DCC: variants seen among roughly 807,000 people sequenced by gnomAD.
DCC encodes netrin receptor DCC.
A neutral mutation model predicts 172.5 loss-of-function variants in DCC; 58 were observed. The ratio of observed to expected loss-of-function variants is 0.34; its 90% CI spans 0.27 to 0.42. DCC has a LOEUF of 0.42. DCC is among the 10% of genes least tolerant of loss of function. DCC has a pLI of 1.00. For synonymous variants in DCC, 709 were observed against 644.5 expected (o/e 1.10, Z -1.52); for missense variants, 1,740 against 1,791.0 (o/e 0.97, Z 0.51).
chr18:52,897,946 T>G (rs10502955), intron 2 of DCC, among the ~76,000 whole-genome samples: 3,179 of 152,342 alleles, frequency 0.021, 58 homozygotes, highest in Admixed American at 0.039. Flanking sequence ...CTGCATATCT[T>G]TTATTGGCCT....
chr18:53,036,937 T>C (rs1057341172), intron 5 of DCC, among the ~76,000 whole-genome samples: 3 of 151,990 alleles, frequency 2.0e-5, no homozygotes, highest in Non-Finnish European at 2.9e-5. Flanking sequence ...GAAGCTGATA[T>C]ACATTTTCAA....
At chr18:53,186,945 C>G (rs2055291116) in intron 9 of DCC, among the ~76,000 whole-genome samples, 1 of 152,088 alleles carries the variant, frequency 6.6e-6, no homozygotes, top group African/African-American at 2.4e-5. Context: ...GAGGAGCTAG[C>G]TGTTCCCTCT....
intron 5 of DCC, among the ~76,000 whole-genome samples, chr18:53,062,240 C>T (rs748924682): frequency 6.6e-6 from 1 of 151,950 alleles, no homozygotes; most frequent in African/African-American, 2.4e-5. Flanking sequence ...AAGGCAATGG[C>T]CATCAAAGAT....
At chr18:52,473,359 A>G (rs1317821799) in intron 1 of DCC, among the ~76,000 whole-genome samples, 1 of 152,212 alleles carries the variant, frequency 6.6e-6, no homozygotes. Context: ...TGGTCTCTCA[A>G]GTCAATTGGC....
At chr18:53,451,731 CTCCATCTCTCTCTCTCTCTG>C (rs1236029662) in intron 23 of DCC, among the ~76,000 whole-genome samples, 1 of 151,910 alleles carries the variant, frequency 6.6e-6, no homozygotes, top group Non-Finnish European at 1.5e-5. Flanking sequence ...CTCTCTCTCT[CTCCATCTCTCTCTCTCTCTG>C]TCTGTCTTTC....
intron 1 of DCC, among the ~76,000 whole-genome samples, chr18:52,396,046 AT>A (rs1986214519): frequency 6.6e-6 from 1 of 152,028 alleles, no homozygotes; most frequent in Non-Finnish European, 1.5e-5. Context: ...CTTTCAGTGT[AT>A]TCTGAGGAAG....
chr18:52,907,952 A>C (rs2039914683), intron 3 of DCC, among the ~76,000 whole-genome samples: 1 of 152,166 alleles, frequency 6.6e-6, no homozygotes, highest in Non-Finnish European at 1.5e-5. Flanking sequence ...TCCCTAAGAC[A>C]CTGGCCTCAT....
chr18:52,624,466 GC>G (rs1473981053), intron 1 of DCC, among the ~76,000 whole-genome samples: 1 of 152,038 alleles, frequency 6.6e-6, no homozygotes, highest in Non-Finnish European at 1.5e-5. Context: ...TTTATTTTTC[GC>G]ACTTAAACTT....
At chr18:52,978,037 C>A (rs907361662) in intron 5 of DCC, among the ~76,000 whole-genome samples, 1 of 150,226 alleles carries the variant, frequency 6.7e-6, no homozygotes. Context: ...TTACATGTAG[C>A]ATGAAGTGAG....
chr18:52,832,434 C>T (rs2038631984), intron 2 of DCC, among the ~76,000 whole-genome samples: 1 of 72,434 alleles, frequency 1.4e-5, no homozygotes, highest in Admixed American at 1.9e-4. Context: ...CAAAACTCTG[C>T]ATGTACCTGT....
intron 1 of DCC, among the ~76,000 whole-genome samples, chr18:52,608,269 T>C (rs1395223791): frequency 2.0e-5 from 3 of 152,186 alleles, no homozygotes; most frequent in African/African-American, 7.2e-5. Context: ...AGCAATGGAA[T>C]TTGGGGATAA....
intron 8 of DCC, among the ~76,000 whole-genome samples, chr18:53,160,105 C>A (rs1454964126): frequency 6.6e-6 from 1 of 152,146 alleles, no homozygotes; most frequent in African/African-American, 2.4e-5. Context: ...TAATTGTTCA[C>A]AGGCCTGCTT....
intron 12 of DCC, among the ~76,000 whole-genome samples, chr18:53,256,737 A>G (rs946054138): frequency 6.6e-6 from 1 of 152,310 alleles, no homozygotes; most frequent in South Asian, 2.1e-4. Context: ...AGGTTTTCCC[A>G]ATTCTGTGAA....
intron 5 of DCC, among the ~76,000 whole-genome samples, chr18:53,024,688 A>G (rs926080034): frequency 1.3e-5 from 2 of 152,172 alleles, no homozygotes; most frequent in Non-Finnish European, 2.9e-5. Context: ...TCTACTTTTA[A>G]GTAATAGCAA....
intron 2 of DCC, among the ~76,000 whole-genome samples, chr18:52,809,670 C>T (rs925403855): frequency 9.9e-5 from 15 of 152,212 alleles, no homozygotes; most frequent in Admixed American, 2.0e-4. Flanking sequence ...CAGTGGGGGA[C>T]GGTGAGTAGA....
chr18:52,455,881 A>C (rs12605593), intron 1 of DCC, among the ~76,000 whole-genome samples: 1,857 of 152,204 alleles, frequency 0.012, 62 homozygotes, highest in Admixed American at 0.068. Context: ...ATTATGGCAC[A>C]CTCCATCCCT....
chr18:52,837,686 G>C (rs534410294), intron 2 of DCC, among the ~76,000 whole-genome samples: 1 of 152,092 alleles, frequency 6.6e-6, no homozygotes, highest in Non-Finnish European at 1.5e-5. Context: ...CCTCCAAACT[G>C]TTCCAATCTC....
chr18:53,360,980 T>G (rs2057938784), intron 15 of DCC, among the ~76,000 whole-genome samples: 1 of 152,088 alleles, frequency 6.6e-6, no homozygotes, highest in Non-Finnish European at 1.5e-5. Context: ...TGACCTTAGA[T>G]GGAAAAGGGG....
chr18:52,754,519 C>G (rs116498824), intron 2 of DCC, among the ~76,000 whole-genome samples: 2 of 152,144 alleles, frequency 1.3e-5, no homozygotes, highest in Non-Finnish European at 2.9e-5. Context: ...TACAATGAGA[C>G]GTCTGTAATC....
Sources: gnomAD v4.1 joint callset for allele counts (sites outside exome capture counted in the v4.1 genomes callset) on GRCh38, gnomAD v4.1.1 for gene constraint, MANE v1.5 for transcripts, NCBI Gene and HGNC (gene_info 2026-07-23, HGNC 2026-07-21) for gene names.